Variants in MAPKAPK2 observed in about 807,000 individuals in gnomAD.
The protein encoded by MAPKAPK2 is MAP kinase-activated protein kinase 2.
A neutral mutation model predicts 48.8 loss-of-function variants in MAPKAPK2; 9 were observed. The observed-to-expected ratio is 0.18, with a 90% CI of 0.11 to 0.32. The LOEUF (loss-of-function observed/expected upper bound fraction) is 0.32, where lower values mean the gene tolerates loss of function less well. MAPKAPK2 is among the 10% of genes least tolerant of loss of function. The probability of loss-of-function intolerance (pLI) is 1.00; values close to 1 mark genes in which losing one functional copy is unlikely to be tolerated. For synonymous variants in MAPKAPK2, 202 were observed against 190.6 expected, an observed-to-expected ratio of 1.06 and a Z score of -0.49; for missense variants, 331 against 498.3, an observed-to-expected ratio of 0.66 and a Z score of 3.20.
chr1:206,728,943 G>A, intron 2 of MAPKAPK2, 92 bp from the exon 3 acceptor site: 1 of 1,612,264 alleles, frequency 6.2e-7, no homozygotes, highest in Non-Finnish European at 8.5e-7. Flanking sequence ...TGGGCCTGAA[G>A]CCTGGAATGT....
intron 1 of MAPKAPK2, chr1:206,696,077 C>T: frequency 9.0e-7 from 1 of 1,114,086 alleles, no homozygotes; most frequent in South Asian, 1.2e-5. Flanking sequence ...TTCATCTCAC[C>T]TGCCTTCACC....
rs1385919061 is a variant in MAPKAPK2 at position 206,705,587 on chromosome 1, T to C, written c.279+20079T>C. On this transcript the variant is annotated intron_variant, in intron 1 of 9. Transcript: ENST00000367103. ...CCGATGGGTGCAATTGTGTTGACTCTTGAGGGACAGCCAGGAAGAAGCAGG... is the reference window on the plus strand; with the variant it reads ...CCGATGGGTGCAATTGTGTTGACTCCTGAGGGACAGCCAGGAAGAAGCAGG... Among the ~76,000 whole-genome samples, 21 of 152,276 alleles carry C rather than the reference T, an allele frequency of 1.4e-4. No homozygotes were observed. In the South Asian group the frequency reaches 2.5e-3, roughly 18 times the overall value.
chr1:206,700,511 T>C (rs187642385), intron 1 of MAPKAPK2, among the ~76,000 whole-genome samples: 2 of 152,262 alleles, frequency 1.3e-5, no homozygotes, highest in African/African-American at 4.8e-5. Flanking sequence ...TCAAGGCAGA[T>C]GCTGGGAAAA....
At chr1:206,701,397 A>G (rs1340108628) in intron 1 of MAPKAPK2, among the ~76,000 whole-genome samples, 1 of 152,238 alleles carries the variant, frequency 6.6e-6, no homozygotes, top group African/African-American at 2.4e-5. Context: ...CTCTTAGACA[A>G]TGCAAGATTC....
Position 206,695,916 on chromosome 1 carries a change from G to C in MAPKAPK2, c.279+10408G>C, listed in dbSNP as rs1486067806. 4.7e-6 allele frequency: 3 copies of C among 637,038 alleles called. No individual in the cohort carries two copies. The African/African-American group carries it at 5.5e-5, about 12-fold the overall frequency. 39.5% of individuals were successfully genotyped at this position (637,038 alleles called of 1,614,324 possible). A position where few individuals can be genotyped will look rare whatever the true frequency, so the allele number is the denominator to read the frequency against. On this transcript the variant is annotated intron_variant, in intron 1 of 9. Coordinates refer to ENST00000367103, the MANE Select transcript of MAPKAPK2 (RefSeq NM_032960.4). ...CTCAATCTGTCCGATCTTCATACCT[G>C]AGCGGGCAAGGGCCCTGAGGGCCAC...
intron 1 of MAPKAPK2, chr1:206,695,868 T>TC (rs1444998865): frequency 5.5e-6 from 3 of 550,384 alleles, no homozygotes; most frequent in Non-Finnish European, 9.8e-6. Flanking sequence ...GCGGGTGCTG[T>TC]CAGAGGGGTT....
Position 206,733,280 on chromosome 1 carries a change from ATGTGTG to A in MAPKAPK2, c.*583_*588del, listed in dbSNP as rs5780359. 8.7e-4 allele frequency: 131 copies of A among 151,314 alleles called. No individual in the cohort carries two copies. The highest frequency in any genetic ancestry group is 1.5e-3 in the South Asian group (7 of 4,814). The allele number at this position is 151,314 out of a possible 1,614,324, so 9.4% of individuals were successfully genotyped here. A position where few individuals can be genotyped will look rare whatever the true frequency, so the allele number is the denominator to read the frequency against. Reference sequence around the variant, plus strand: ...GTGCCAGACAAATAGGAGTGAGTGTATGTGTGTGTGTGTGTGTGTGTGTGTGCACAC... The same window carrying A: ...GTGCCAGACAAATAGGAGTGAGTGTATGTGTGTGTGTGTGTGTGTGCACAC... On this transcript the variant is annotated 3_prime_UTR_variant, in exon 10 of 10. Transcript: ENST00000367103.
rs1334705583 is a variant in MAPKAPK2, at chr1:206,731,658, A to G, written c.911A>G (p.Asn304Ser). The change falls in exon 8 of 10, where the codon AAT becomes AGT. Residue 304 changes from asparagine to serine, a missense_variant. This residue lies in a region of MAPKAPK2 where 124 missense variants were observed against 194.6 expected (regional missense o/e 0.64). Transcript: ENST00000367103. This position sits in a 1 kb window ranked among gnomAD's most constrained non-coding sequence, Gnocchi z 5.9. Reference protein sequence around the residue: ...VSEEVKMLIRNLLKTEPTQRM... With the variant: ...VSEEVKMLIRSLLKTEPTQRM... ...CCCACAGTGAAGATGCTCATTCGGAATCTGCTGAAAACAGAGCCCACCCAG... is the reference window on the plus strand; with the variant it reads ...CCCACAGTGAAGATGCTCATTCGGAGTCTGCTGAAAACAGAGCCCACCCAG... The G allele has an allele frequency of 1.2e-6, 2 of 1,613,952 alleles. No homozygotes were observed. The highest frequency in any genetic ancestry group is 1.7e-5 in the Admixed American group (1 of 60,004).
intron 1 of MAPKAPK2, among the ~76,000 whole-genome samples, chr1:206,693,616 G>A (rs1251676279): frequency 2.0e-5 from 3 of 152,152 alleles, no homozygotes; most frequent in South Asian, 2.1e-4. Context: ...CTCCAAGCAG[G>A]CCTCTTTGCC....
At chr1:206,729,306 C>G in intron 3 of MAPKAPK2, 90 bp from the exon 4 acceptor site, 2 of 1,215,186 alleles carry the variant, frequency 1.6e-6, no homozygotes, top group South Asian at 2.5e-5. Flanking sequence ...TCAGGCTGCA[C>G]AGAGGTGGGA....
intron 1 of MAPKAPK2, among the ~76,000 whole-genome samples, chr1:206,713,545 G>A (rs1236766051): frequency 6.6e-5 from 10 of 152,156 alleles, no homozygotes; most frequent in Non-Finnish European, 7.3e-5. Flanking sequence ...GATGGAGTAC[G>A]TCTCCCTTCT....
In MAPKAPK2 at chr1:206,696,230, C is replaced by T. The variant is rs982941538; in HGVS notation, c.279+10722C>T. 1.9e-5 allele frequency: 27 copies of T among 1,413,982 alleles called. No homozygotes were observed. The African/African-American group carries it at 3.0e-4, about 16-fold the overall frequency. The allele number at this position is 1,413,982 out of a possible 1,614,324, so 87.6% of individuals were successfully genotyped here. On this transcript the variant is annotated intron_variant, in intron 1 of 9. Transcript: ENST00000367103. Reference sequence around the variant, plus strand: ...GCCACCTGAGGTCTGAGGCTGATGACCTGTTCTTCCTTCTTTTCCTTCCCC... The same window carrying T: ...GCCACCTGAGGTCTGAGGCTGATGATCTGTTCTTCCTTCTTTTCCTTCCCC...
At chr1:206,720,476 C>G (rs1259264103) in intron 1 of MAPKAPK2, among the ~76,000 whole-genome samples, 21 of 152,176 alleles carry the variant, frequency 1.4e-4, no homozygotes, top group African/African-American at 4.8e-4. Context: ...CTCAGCCTCC[C>G]AAGTAGCTGG....
At chr1:206,694,627 T>A (rs1189964506) in intron 1 of MAPKAPK2, among the ~76,000 whole-genome samples, 1 of 152,216 alleles carries the variant, frequency 6.6e-6, no homozygotes, top group African/African-American at 2.4e-5. Flanking sequence ...AAGTGAGGAA[T>A]CTGCAGGTTG....
Position 206,685,260 on chromosome 1 carries a change from C to A in MAPKAPK2, c.31C>A (p.Pro11Thr). ...GTCCAACTCCCAGGGCCAGAGCCCG[C>A]CGGTGCCGTTCCCCGCCCCGGCCCC... MLSNSQGQSP[P>T]VPFPAPAPPP... The change falls in exon 1 of 10, where the codon CCG becomes ACG. Residue 11 changes from proline (P) to threonine (T), a missense_variant. Physicochemically the swap from Pro to Thr is conservative, Grantham distance 38. Transcript: ENST00000367103. 1 of 653,032 alleles carries A rather than the reference C, an allele frequency of 1.5e-6. No individual in the cohort carries two copies. The allele number at this position is 653,032 out of a possible 1,614,324, so 40.5% of individuals were successfully genotyped here. A position where few individuals can be genotyped will look rare whatever the true frequency, so the allele number is the denominator to read the frequency against.
At chr1:206,716,754 A>G (rs1315380656) in intron 1 of MAPKAPK2, among the ~76,000 whole-genome samples, 7 of 151,906 alleles carry the variant, frequency 4.6e-5, no homozygotes, top group Non-Finnish European at 5.9e-5. Flanking sequence ...CTTCCGTCTT[A>G]CTTTCTCTTG....
intron 1 of MAPKAPK2, among the ~76,000 whole-genome samples, chr1:206,717,280 G>C (rs1464987999): frequency 1.3e-5 from 2 of 152,212 alleles, no homozygotes; most frequent in Non-Finnish European, 2.9e-5. Context: ...AATGGATCCT[G>C]TTCTGTAGGG....
At chr1:206,719,391 A>G (rs1673442589) in intron 1 of MAPKAPK2, among the ~76,000 whole-genome samples, 2 of 152,110 alleles carry the variant, frequency 1.3e-5, no homozygotes, top group Non-Finnish European at 1.5e-5. Flanking sequence ...TCCCCGTTGT[A>G]AGTTTTAGCT....
At chr1:206,708,215 G>A (rs1303169489) in intron 1 of MAPKAPK2, among the ~76,000 whole-genome samples, 2 of 152,158 alleles carry the variant, frequency 1.3e-5, no homozygotes, top group Admixed American at 6.5e-5. Context: ...CCCTCCGCAG[G>A]CCCCTGTGTT....
Sources: gnomAD v4.1 joint callset for allele counts (sites outside exome capture counted in the v4.1 genomes callset) on GRCh38, gnomAD v4.1.1 for gene constraint, gnomAD v4.1.1 regional missense constraint, Gnocchi (gnomAD v3.1) non-coding constraint, MANE v1.5 for transcripts, NCBI Gene and HGNC (gene_info 2026-07-23, HGNC 2026-07-21) for gene names.